Variants in TLL1 observed in about 807,000 individuals in gnomAD.
TLL1 encodes tolloid like 1.
TLL1 carries 49 observed loss-of-function variants against 128.2 expected under a neutral mutation model. The ratio of observed to expected loss-of-function variants is 0.38; its 90% confidence interval spans 0.30 to 0.48. The LOEUF is 0.48. Among genes scored for constraint, TLL1 ranks in the 20% least tolerant of loss-of-function variants. The probability of loss-of-function intolerance (pLI) is 0.96; values close to 1 mark genes in which losing one functional copy is unlikely to be tolerated. For missense variants in TLL1, 1,123 were observed against 1,242.0 expected (o/e 0.90, Z 1.44); for synonymous variants, 454 against 418.8 (o/e 1.08, Z -1.03).
At chr4:165,974,341 C>T (rs1246657328) in intron 1 of TLL1, among the ~76,000 whole-genome samples, 1 of 130,918 alleles carries the variant, frequency 7.6e-6, no homozygotes, top group Non-Finnish European at 1.5e-5. Flanking sequence ...GGGGTTTCAC[C>T]GTTTTAGCCG....
At chr4:165,892,751 GT>G (rs1409399356) in intron 1 of TLL1, among the ~76,000 whole-genome samples, 5 of 152,144 alleles carry the variant, frequency 3.3e-5, no homozygotes, top group Admixed American at 6.5e-5. Flanking sequence ...TCACATGTTT[GT>G]TTTGGGACAG....
At chr4:165,915,930 A>G (rs1732756526) in intron 1 of TLL1, among the ~76,000 whole-genome samples, 1 of 152,232 alleles carries the variant, frequency 6.6e-6, no homozygotes, top group Admixed American at 6.5e-5. Flanking sequence ...ACTTAAAAAA[A>G]GATGACTATC....
At position 165,962,754 on chromosome 4, in the gene TLL1, TTGCAGCAACATGGA is replaced by T. The variant is rs1400878597; in HGVS notation, c.170-26620_170-26607del. ...AAAGAAAAGAAAGAAATCATGTTCT[TTGCAGCAACATGGA>T]TGCAGCTGGAGGCAATTATCCTAAG... On this transcript the variant is annotated intron_variant, in intron 1 of 20. Transcript: ENST00000061240. 2.4e-4 allele frequency among the ~76,000 whole-genome samples: 36 copies of T among 152,172 alleles called. No homozygotes were observed. The East Asian group carries it at 6.6e-3, about 28-fold the overall frequency.
At chr4:166,001,441 A>T (rs1227446758) in intron 5 of TLL1, among the ~76,000 whole-genome samples, 1 of 152,168 alleles carries the variant, frequency 6.6e-6, no homozygotes, top group South Asian at 2.1e-4. Context: ...ACACACTTAG[A>T]CTTGCAGACA....
intron 1 of TLL1, among the ~76,000 whole-genome samples, chr4:165,941,491 G>A (rs1734005397): frequency 6.6e-6 from 1 of 152,060 alleles, no homozygotes; most frequent in African/African-American, 2.4e-5. Flanking sequence ...CAGAAGGTTA[G>A]AGAGAGAGGA....
intron 2 of TLL1, 76 bp from the exon 3 acceptor site, chr4:165,992,728 G>T (rs1736703132): frequency 2.1e-5 from 27 of 1,288,722 alleles, no homozygotes; most frequent in Non-Finnish European, 2.9e-5. Context: ...AGAAATCATT[G>T]TTGCCTATGA....
intron 12 of TLL1, among the ~76,000 whole-genome samples, chr4:166,052,965 G>GTGTGTGTGTGTGTATA: frequency 2.0e-5 from 2 of 99,646 alleles, no homozygotes; most frequent in African/African-American, 7.6e-5. Context: ...GAGGTTATGT[G>GTGTGTGTGTGTGTATA]TATATATATA....
chr4:166,092,498 G>T (rs1741819671), intron 19 of TLL1, among the ~76,000 whole-genome samples: 1 of 151,964 alleles, frequency 6.6e-6, no homozygotes, highest in African/African-American at 2.4e-5. Flanking sequence ...TCAGGCTAAT[G>T]AGAGATTTTC....
chr4:165,983,708 C>T (rs1454948275), intron 1 of TLL1, among the ~76,000 whole-genome samples: 2 of 151,778 alleles, frequency 1.3e-5, no homozygotes, highest in African/African-American at 2.4e-5. Context: ...GAAGGAACTT[C>T]TAAATTTGAA....
chr4:165,996,149 A>G (rs2111021211), intron 5 of TLL1, among the ~76,000 whole-genome samples: 2 of 152,188 alleles, frequency 1.3e-5, no homozygotes, highest in Middle Eastern at 3.4e-3. Flanking sequence ...AGCTGCCCAC[A>G]TTGGGATTTT....
rs1247675227 is a variant in TLL1 at position 166,103,191 on chromosome 4, C to T, written c.*2315C>T. 1 of 151,972 alleles carries T rather than the reference C, an allele frequency of 6.6e-6. No homozygotes were observed. The highest frequency in any genetic ancestry group is 2.4e-5 in the African/African-American group (1 of 41,520). 9.4% of individuals were successfully genotyped at this position (151,972 alleles called of 1,614,324 possible). A position where few individuals can be genotyped will look rare whatever the true frequency, so the allele number is the denominator to read the frequency against. ...GCTTGTTCTACAAAGGTAGTAGAAT[C>T]AATCTCGACCTATATAAATAGTAGA... On this transcript the variant is annotated 3_prime_UTR_variant, in exon 21 of 21. Coordinates refer to ENST00000061240, the MANE Select transcript of TLL1 (RefSeq NM_012464.5).
chr4:165,891,971 A>C (rs1395050541), intron 1 of TLL1, among the ~76,000 whole-genome samples: 1 of 152,220 alleles, frequency 6.6e-6, no homozygotes, highest in African/African-American at 2.4e-5. Context: ...TAATTTGTAA[A>C]GGAAAGAGGT....
chr4:166,092,785 A>G (rs1032495896), intron 19 of TLL1, among the ~76,000 whole-genome samples: 7 of 152,076 alleles, frequency 4.6e-5, no homozygotes, highest in African/African-American at 1.7e-4. Context: ...TACCCCTTGT[A>G]AGTGGGATAA....
intron 1 of TLL1, among the ~76,000 whole-genome samples, chr4:165,904,770 T>C (rs1732170331): frequency 6.6e-6 from 1 of 152,202 alleles, no homozygotes; most frequent in Non-Finnish European, 1.5e-5. Context: ...TGATGAAGAC[T>C]TGCATATGCA....
chr4:166,057,362 A>G lies in TLL1; in HGVS notation c.1846+53A>G, dbSNP rs1740070226. On this transcript the variant is annotated intron_variant, in intron 14 of 20. Coordinates refer to ENST00000061240, the MANE Select transcript of TLL1 (RefSeq NM_012464.5). ...CACCCCCCACAATTATTTATTTCTT[A>G]TATTCTCATTCTCTGTCTGTCTTCC... The G allele has an allele frequency of 2.2e-5, 36 of 1,600,858 alleles. No individual in the cohort carries two copies. In the South Asian group the frequency reaches 3.9e-4, roughly 17 times the overall value.
At chr4:165,954,409 G>T (rs1383499731) in intron 1 of TLL1, among the ~76,000 whole-genome samples, 1 of 152,088 alleles carries the variant, frequency 6.6e-6, no homozygotes, top group Non-Finnish European at 1.5e-5. Flanking sequence ...AAAAAATTAT[G>T]ACCACAAACT....
At chr4:166,033,435 A>G (rs796349703) in intron 9 of TLL1, among the ~76,000 whole-genome samples, 58 of 152,304 alleles carry the variant, frequency 3.8e-4, no homozygotes, top group African/African-American at 1.3e-3. Flanking sequence ...TAAGAAAATG[A>G]TGCTTATTTC....
intron 1 of TLL1, among the ~76,000 whole-genome samples, chr4:165,892,164 A>C (rs1452781662): frequency 6.6e-6 from 1 of 152,218 alleles, no homozygotes. Context: ...TGAAAACAGC[A>C]TGGATGTTAC....
At chr4:166,037,774 C>T (rs1312991797) in intron 9 of TLL1, among the ~76,000 whole-genome samples, 1 of 151,896 alleles carries the variant, frequency 6.6e-6, no homozygotes, top group Non-Finnish European at 1.5e-5. Flanking sequence ...CTCCACTGCA[C>T]TCCAGCCTGG....
Sources: allele counts gnomAD v4.1 joint callset (sites outside exome capture counted in the v4.1 genomes callset), GRCh38; gene constraint gnomAD v4.1.1; transcripts MANE v1.5; gene names NCBI Gene and HGNC (gene_info 2026-07-23, HGNC 2026-07-21).